IQSEC1: variants seen among roughly 807,000 people sequenced by gnomAD.
The protein encoded by IQSEC1 is IQ motif and Sec7 domain ArfGEF 1.
IQSEC1 carries 31 observed loss-of-function variants against 91.0 expected under a neutral mutation model. The ratio of observed to expected loss-of-function variants is 0.34; its 90% confidence interval spans 0.26 to 0.46. The LOEUF (loss-of-function observed/expected upper bound fraction) is 0.46. IQSEC1 is among the 20% of genes least tolerant of loss of function. IQSEC1 has a pLI of 1.00. For synonymous variants in IQSEC1, 699 were observed against 662.6 expected, an observed-to-expected ratio of 1.05 and a Z score of -0.84; for missense variants, 1,388 against 1,575.6, an observed-to-expected ratio of 0.88 and a Z score of 2.02.
At chr3:13,023,142 T>G (rs1425565393) in intron 1 of IQSEC1, among the ~76,000 whole-genome samples, 1 of 152,200 alleles carries the variant, frequency 6.6e-6, no homozygotes, top group Non-Finnish European at 1.5e-5. Context: ...GCAGTCTGGC[T>G]CTAAGAGCCC....
intron 1 of IQSEC1, among the ~76,000 whole-genome samples, chr3:13,276,888 G>A (rs1005597756): frequency 6.6e-6 from 1 of 152,128 alleles, no homozygotes; most frequent in Non-Finnish European, 1.5e-5. Flanking sequence ...GGTGGGGGCA[G>A]CACACTGGAG....
At chr3:13,052,174 C>A (rs1228786517) in intron 1 of IQSEC1, among the ~76,000 whole-genome samples, 3 of 152,336 alleles carry the variant, frequency 2.0e-5, no homozygotes, top group Middle Eastern at 3.4e-3. Context: ...CCTCACCAGG[C>A]TCTCCGGGCA....
At chr3:13,267,546 G>A (rs1174917020) in intron 1 of IQSEC1, among the ~76,000 whole-genome samples, 2 of 152,202 alleles carry the variant, frequency 1.3e-5, no homozygotes, top group East Asian at 1.9e-4. Flanking sequence ...CTGGAAAAAC[G>A]GAGATTAAAC....
chr3:13,209,911 A>G (rs1264442455), intron 1 of IQSEC1, among the ~76,000 whole-genome samples: 3 of 151,000 alleles, frequency 2.0e-5, no homozygotes, highest in African/African-American at 7.3e-5. Flanking sequence ...CAGCCCCACC[A>G]TCCTCCAACC....
intron 1 of IQSEC1, among the ~76,000 whole-genome samples, chr3:13,041,466 C>T (rs977835373): frequency 6.6e-6 from 1 of 152,156 alleles, no homozygotes. Flanking sequence ...TGCTAATGGC[C>T]GCAGACTTCA....
At chr3:13,098,156 C>T (rs1266166757) in intron 2 of IQSEC1, among the ~76,000 whole-genome samples, 1 of 152,250 alleles carries the variant, frequency 6.6e-6, no homozygotes, top group Non-Finnish European at 1.5e-5. Flanking sequence ...ATTAATTCAA[C>T]AAACATTTAT....
rs1023732244 is a variant in IQSEC1, at chr3:13,193,088, C to A, written c.273-28955G>T. The stretch of plus-strand genomic sequence containing the variant: ...AGCCCCTAGTGGCCAGACAGGAACC[C>A]AGTTGCAGCAGGGATGGGCAGTGTC... On this transcript the variant is annotated intron_variant, in intron 1 of 15. Transcript: ENST00000648114. The surrounding 1 kb of genome is among the most constrained non-coding windows in gnomAD (Gnocchi z 4.2). Among the ~76,000 whole-genome samples, 2 of 152,246 alleles carry A rather than the reference C, an allele frequency of 1.3e-5. No individual in the cohort carries two copies. The highest frequency in any genetic ancestry group is 2.9e-5 in the Non-Finnish European group (2 of 68,040).
chr3:13,045,602 T>G (rs1704464879), intron 1 of IQSEC1, among the ~76,000 whole-genome samples: 1 of 152,208 alleles, frequency 6.6e-6, no homozygotes, highest in Admixed American at 6.5e-5. Flanking sequence ...CGGAACCTGC[T>G]AGGCCCCCAC....
intron 1 of IQSEC1, among the ~76,000 whole-genome samples, chr3:13,021,763 G>C (rs989946664): frequency 6.6e-6 from 1 of 152,254 alleles, no homozygotes; most frequent in African/African-American, 2.4e-5. Context: ...CCCTGTGCCA[G>C]CATGTTATGT....
intron 1 of IQSEC1, among the ~76,000 whole-genome samples, chr3:13,061,484 A>C (rs1025278694): frequency 1.3e-5 from 2 of 152,216 alleles, no homozygotes; most frequent in Non-Finnish European, 1.5e-5. Flanking sequence ...GTGCCAGCCC[A>C]GTGGTGCAGC....
At chr3:13,060,031 G>A (rs940414112) in intron 1 of IQSEC1, among the ~76,000 whole-genome samples, 14 of 152,340 alleles carry the variant, frequency 9.2e-5, no homozygotes, top group Middle Eastern at 6.8e-3. Context: ...TCCAGGCAGC[G>A]GGAACGACTG....
At chr3:13,243,615 G>A (rs1302804646) in intron 1 of IQSEC1, among the ~76,000 whole-genome samples, 1 of 152,226 alleles carries the variant, frequency 6.6e-6, no homozygotes, top group Non-Finnish European at 1.5e-5. Flanking sequence ...GCTGGGCCAG[G>A]AGACAGCCTC....
intron 1 of IQSEC1, among the ~76,000 whole-genome samples, chr3:13,026,993 G>A (rs1559728344): frequency 6.6e-6 from 1 of 151,812 alleles, no homozygotes; most frequent in Non-Finnish European, 1.5e-5. Flanking sequence ...AAGCTCTGGA[G>A]GCTGAAAACA....
At chr3:12,984,841 T>C (rs1021742792) in intron 1 of IQSEC1, among the ~76,000 whole-genome samples, 2 of 142,516 alleles carry the variant, frequency 1.4e-5, no homozygotes, top group African/African-American at 5.5e-5. Context: ...TTTTTTTTTT[T>C]TGAGACGGAG....
Position 12,900,418 on chromosome 3 carries a change from G to A in IQSEC1, c.*565C>T, listed in dbSNP as rs111508682. ...GGGTATTGCTAATGTGGACTGAAACGCCTGCCTTTCACACACAAGTACTAC... is the reference window on the plus strand; with the variant it reads ...GGGTATTGCTAATGTGGACTGAAACACCTGCCTTTCACACACAAGTACTAC... On this transcript the variant is annotated 3_prime_UTR_variant, in exon 14 of 14. Transcript: ENST00000613206. The A allele has an allele frequency of 0.021, 20,857 of 981,374 alleles. 231 individuals carry two copies. The highest frequency in any genetic ancestry group is 0.023 in the Non-Finnish European group (19,352 of 827,578). The allele number at this position is 981,374 out of a possible 1,614,324, so 60.8% of individuals were successfully genotyped here. A position where few individuals can be genotyped will look rare whatever the true frequency, so the allele number is the denominator to read the frequency against.
At chr3:13,021,180 G>A (rs1703379262) in intron 1 of IQSEC1, among the ~76,000 whole-genome samples, 1 of 152,182 alleles carries the variant, frequency 6.6e-6, no homozygotes, top group South Asian at 2.1e-4. Context: ...CTTTACAGAT[G>A]GGGAGACCCC....
At chr3:12,971,427 C>T (rs775571171) in intron 1 of IQSEC1, among the ~76,000 whole-genome samples, 5 of 152,148 alleles carry the variant, frequency 3.3e-5, no homozygotes, top group Non-Finnish European at 5.9e-5. Flanking sequence ...AAGCAGAACT[C>T]GGGAGGAAAC....
intron 1 of IQSEC1, among the ~76,000 whole-genome samples, chr3:13,226,218 G>A (rs1694751423): frequency 6.6e-6 from 1 of 152,104 alleles, no homozygotes; most frequent in Non-Finnish European, 1.5e-5. Flanking sequence ...TATAGCTTAG[G>A]GACTAAGAAC....
chr3:12,905,238 G>C (rs1164132739), intron 12 of IQSEC1, among the ~76,000 whole-genome samples: 1 of 152,244 alleles, frequency 6.6e-6, no homozygotes, highest in Non-Finnish European at 1.5e-5. Flanking sequence ...GAGGGACTTG[G>C]AACCATTTTT....
Sources: allele counts gnomAD v4.1 joint callset (sites outside exome capture counted in the v4.1 genomes callset), GRCh38; gene constraint gnomAD v4.1.1; non-coding constraint Gnocchi (gnomAD v3.1); transcripts MANE v1.5; gene names NCBI Gene and HGNC (gene_info 2026-07-23, HGNC 2026-07-21).